SLC1A1: variants seen among roughly 807,000 people sequenced by gnomAD.
The protein encoded by SLC1A1 is excitatory amino acid transporter 3.
Under a neutral mutation model 53.3 loss-of-function variants are expected in SLC1A1, and 43 were observed. The ratio of observed to expected loss-of-function variants is 0.81; its 90% CI spans 0.63 to 1.04. SLC1A1 has a LOEUF of 1.04. Ranked by LOEUF, SLC1A1 falls within the 50% of genes least tolerant of loss-of-function variation. The probability of loss-of-function intolerance (pLI) is 0.00; values close to 1 mark genes in which losing one functional copy is unlikely to be tolerated. For synonymous variants in SLC1A1, 307 were observed against 243.2 expected (o/e 1.26, Z -2.44); for missense variants, 748 against 664.9 (o/e 1.12, Z -1.37).
Position 4,544,675 on chromosome 9 carries a change from T to C in SLC1A1, c.200T>C (p.Ile67Thr). Residue 67 changes from isoleucine to threonine, a missense_variant, in exon 2 of 12, where the codon ATT becomes ACT. By Grantham distance (89) the Ile-to-Thr change is moderately conservative. Coordinates refer to ENST00000262352, the MANE Select transcript of SLC1A1 (RefSeq NM_004170.6). ...CTAATGCGGATGCTGAAACTCATCA[T>C]TTTGCCATTAATTATATCCAGCATG... is the stretch of plus-strand genomic sequence containing the variant. ...EILMRMLKLIILPLIISSMIT... is the reference protein window; with the variant it reads ...EILMRMLKLITLPLIISSMIT... 1 of 1,613,706 alleles carries C rather than the reference T, an allele frequency of 6.2e-7. No homozygotes were observed. Among genetic ancestry groups the C allele is most frequent in the Non-Finnish European group, 8.5e-7 (1 of 1,179,628 alleles).
rs1818363286 is a variant in SLC1A1 at position 4,556,177 on chromosome 9, G to GT, written c.233-5267dup. Among the ~76,000 whole-genome samples the GT allele has an allele frequency of 6.6e-6, 1 of 151,836 alleles. No homozygotes were observed. Among genetic ancestry groups the GT allele is most frequent in the East Asian group, 1.9e-4 (1 of 5,160 alleles). On this transcript the variant is annotated intron_variant, in intron 2 of 11. Coordinates refer to ENST00000262352, the MANE Select transcript of SLC1A1 (RefSeq NM_004170.6). The surrounding 1 kb of genome is among the most constrained non-coding windows in gnomAD (Gnocchi z 4.1). ...CAAATTTGTGTGTGTGTGTGGTTTT[G>GT]TTTTTGTTTTTTTGTTTTTTTAAGT...
At chr9:4,492,152 T>C (rs1349791904) in intron 1 of SLC1A1, among the ~76,000 whole-genome samples, 1 of 152,176 alleles carries the variant, frequency 6.6e-6, no homozygotes, top group Non-Finnish European at 1.5e-5. Context: ...TTTGGAACTT[T>C]TTTTTTTCGG....
At chr9:4,516,074 T>C (rs1222283509) in intron 1 of SLC1A1, among the ~76,000 whole-genome samples, 2 of 152,232 alleles carry the variant, frequency 1.3e-5, no homozygotes, top group Non-Finnish European at 2.9e-5. Flanking sequence ...GCCACACTGG[T>C]ACAGGAGCTT....
intron 1 of SLC1A1, among the ~76,000 whole-genome samples, chr9:4,526,464 G>T (rs1056262258): frequency 1.3e-5 from 2 of 152,092 alleles, no homozygotes; most frequent in African/African-American, 4.8e-5. Flanking sequence ...ATGTATAAAG[G>T]CATGGACAAA....
At chr9:4,502,930 G>A (rs1009260217) in intron 1 of SLC1A1, among the ~76,000 whole-genome samples, 1 of 151,644 alleles carries the variant, frequency 6.6e-6, no homozygotes, top group East Asian at 1.9e-4. Context: ...GTTTGAGCTT[G>A]AATTCTAGTG....
At chr9:4,517,328 C>T (rs1490222246) in intron 1 of SLC1A1, among the ~76,000 whole-genome samples, 4 of 152,166 alleles carry the variant, frequency 2.6e-5, no homozygotes, top group South Asian at 2.1e-4. Context: ...TTGGGGTGGC[C>T]GTTCCTATAG....
At chr9:4,580,601 A>ATATGTGTGTGTG (rs556150232) in intron 10 of SLC1A1, among the ~76,000 whole-genome samples, 1 of 69,700 alleles carries the variant, frequency 1.4e-5, no homozygotes, top group African/African-American at 5.1e-5. Context: ...AAAAATATAT[A>ATATGTGTGTGTG]TGTGTGTGTG....
chr9:4,554,847 A>G (rs932746561), intron 2 of SLC1A1, among the ~76,000 whole-genome samples: 1 of 152,232 alleles, frequency 6.6e-6, no homozygotes, highest in Non-Finnish European at 1.5e-5. Flanking sequence ...GAATGAATGA[A>G]TCAGTTAATG....
chr9:4,541,181 T>C (rs963898433), intron 1 of SLC1A1, among the ~76,000 whole-genome samples: 10 of 152,206 alleles, frequency 6.6e-5, no homozygotes, highest in African/African-American at 2.2e-4. Flanking sequence ...AAATTGTTGA[T>C]CTTGTCAACC....
chr9:4,583,092 G>A lies in SLC1A1; in HGVS notation c.1248G>A (p.Leu416=), dbSNP rs760802588. The change falls in exon 11 of 12, where the codon CTG becomes CTA. Residue 416 remains leucine, a synonymous_variant. Coordinates refer to ENST00000262352, the MANE Select transcript of SLC1A1 (RefSeq NM_004170.6). The surrounding 1 kb of genome is among the most constrained non-coding windows in gnomAD (Gnocchi z 4.6). The part of the protein sequence containing the change: ...IGAAGVPQAG[L]VTMVIVLSAV... ...CTGCTGGCGTGCCCCAGGCTGGCCTGGTGACCATGGTGATTGTGCTGAGTG... is the reference window on the plus strand; with the variant it reads ...CTGCTGGCGTGCCCCAGGCTGGCCTAGTGACCATGGTGATTGTGCTGAGTG... 1 of 1,614,240 alleles carries A rather than the reference G, an allele frequency of 6.2e-7. No individual in the cohort carries two copies. Among genetic ancestry groups the A allele is most frequent in the Non-Finnish European group, 8.5e-7 (1 of 1,180,044 alleles).
intron 5 of SLC1A1, 62 bp from the exon 6 acceptor site, chr9:4,567,607 C>A: frequency 1.9e-6 from 2 of 1,072,692 alleles, no homozygotes; most frequent in Middle Eastern, 2.0e-4. Flanking sequence ...GTGATTTAGT[C>A]TCAAAAGCTT....
At chr9:4,563,102 A>G (rs1372885544) in intron 3 of SLC1A1, among the ~76,000 whole-genome samples, 5 of 151,324 alleles carry the variant, frequency 3.3e-5, no homozygotes, top group African/African-American at 1.2e-4. Context: ...CATATACCCT[A>G]AAACTTAAAG....
Position 4,528,469 on chromosome 9 carries a change from G to A in SLC1A1, c.92-16098G>A, listed in dbSNP as rs748388071. ...CCGGTGCCTGTAGTCCCAGCTACTC[G>A]GGAGACTGAGGCAGGAGAATGGCGT... On this transcript the variant is annotated intron_variant, in intron 1 of 11. Transcript: ENST00000262352. Among the ~76,000 whole-genome samples the A allele has an allele frequency of 1.9e-4, 29 of 152,090 alleles. 1 individual carries two copies. The highest frequency in any genetic ancestry group is 3.9e-4 in the East Asian group (2 of 5,166).
chr9:4,566,838 CTA>C (rs1272208110), intron 5 of SLC1A1, among the ~76,000 whole-genome samples: 1 of 152,084 alleles, frequency 6.6e-6, no homozygotes, highest in Non-Finnish European at 1.5e-5. Context: ...TCCTATTTAT[CTA>C]TGTGCTTTAA....
intron 1 of SLC1A1, among the ~76,000 whole-genome samples, chr9:4,513,422 G>T (rs1054247157): frequency 1.3e-5 from 2 of 152,112 alleles, no homozygotes; most frequent in African/African-American, 4.8e-5. Flanking sequence ...ACCGAAGAGG[G>T]TATACTGATG....
Position 4,576,769 on chromosome 9 carries a change from G to C in SLC1A1, c.1193+6G>C, listed in dbSNP as rs747858391. On this transcript the variant is annotated splice_donor_region_variant and intron_variant, in intron 10 of 11. Transcript: ENST00000262352. ...GGGCAGATCATCACCATCAGGTGGG[G>C]CATGGTGTCACATTCATTGTCATCA... 6.2e-7 allele frequency: 1 copy of C among 1,612,522 alleles called. No individual in the cohort carries two copies. Among genetic ancestry groups the C allele is most frequent in the South Asian group, 1.1e-5 (1 of 91,042 alleles).
intron 2 of SLC1A1, among the ~76,000 whole-genome samples, chr9:4,560,695 T>TAAA (rs200416823): frequency 6.9e-6 from 1 of 144,680 alleles, no homozygotes; most frequent in Non-Finnish European, 1.5e-5. Context: ...TCTCAAGTGT[T>TAAA]AAAAAAAAAA....
intron 7 of SLC1A1, among the ~76,000 whole-genome samples, chr9:4,573,217 C>T (rs919534230): frequency 6.6e-6 from 1 of 152,178 alleles, no homozygotes; most frequent in Non-Finnish European, 1.5e-5. Flanking sequence ...GCATCTGTCT[C>T]GCTTACCTCA....
At chr9:4,579,813 C>T (rs1820889274) in intron 10 of SLC1A1, among the ~76,000 whole-genome samples, 1 of 152,158 alleles carries the variant, frequency 6.6e-6, no homozygotes, top group Non-Finnish European at 1.5e-5. Context: ...TAGGTACCAT[C>T]TACCCAAAAC....
Sources: gnomAD v4.1 joint callset for allele counts (sites outside exome capture counted in the v4.1 genomes callset) on GRCh38, gnomAD v4.1.1 for gene constraint, Gnocchi (gnomAD v3.1) non-coding constraint, MANE v1.5 for transcripts, NCBI Gene and HGNC (gene_info 2026-07-23, HGNC 2026-07-21) for gene names.